Variants in STXBP5L observed in about 807,000 individuals in gnomAD.
STXBP5L encodes the protein syntaxin-binding protein 5-like.
In STXBP5L, 65 loss-of-function variants were observed where a neutral mutation model predicts 144.5. The observed-to-expected ratio is 0.45, with a 90% CI of 0.37 to 0.55. STXBP5L has a LOEUF of 0.55. Among genes scored for constraint, STXBP5L ranks in the 20% least tolerant of loss-of-function variants. STXBP5L has a pLI of 0.00. For synonymous variants in STXBP5L, 505 were observed against 469.6 expected, an observed-to-expected ratio of 1.08 and a Z score of -0.97; for missense variants, 1,298 against 1,405.5, an observed-to-expected ratio of 0.92 and a Z score of 1.22.
In STXBP5L at chr3:121,378,812, G is replaced by T; in HGVS notation, c.2273G>T (p.Gly758Val). ...GATGTTTCAAAAGTAAATCGCTGGG[G>T]TCCTGGAAGACCACCATTTCGAAAG... ...SADVSKVNRWGPGRPPFRKAQ... is the reference protein window; with the variant it reads ...SADVSKVNRWVPGRPPFRKAQ... Residue 758 changes from glycine (G) to valine (V), a missense_variant, in exon 21 of 27, where the codon GGT becomes GTT. Transcript: ENST00000471454. 2 of 1,613,692 alleles carry T rather than the reference G, an allele frequency of 1.2e-6. No homozygotes were observed. The highest frequency in any genetic ancestry group is 1.7e-6 in the Non-Finnish European group (2 of 1,179,826).
intron 3 of STXBP5L, among the ~76,000 whole-genome samples, chr3:120,990,896 A>T (rs1479491691): frequency 6.6e-6 from 1 of 152,218 alleles, no homozygotes; most frequent in Non-Finnish European, 1.5e-5. Flanking sequence ...AACCTAGGCA[A>T]TACCATTCAG....
chr3:120,928,876 T>A (rs1302136002), intron 2 of STXBP5L, among the ~76,000 whole-genome samples: 1 of 152,184 alleles, frequency 6.6e-6, no homozygotes, highest in Non-Finnish European at 1.5e-5. Flanking sequence ...AGTTTTTTGT[T>A]ATGTGGAAAT....
rs773245629 is a variant in STXBP5L, at chr3:121,254,980, T to A, written c.1527T>A (p.Ile509=). ...KVGEGKQTCE[I]VEEDPFAIQM... Reference sequence around the variant, plus strand: ...GAGAAGGAAAACAAACATGTGAAATTGTAGAGGAAGACCCATTTGCCATTC... The same window carrying A: ...GAGAAGGAAAACAAACATGTGAAATAGTAGAGGAAGACCCATTTGCCATTC... Residue 509 remains isoleucine, a synonymous_variant, in exon 16 of 27, where the codon ATT becomes ATA. Coordinates refer to ENST00000471454, the MANE Select transcript of STXBP5L (RefSeq NM_001308330.2). The A allele has an allele frequency of 4.7e-5, 76 of 1,613,562 alleles. No individual in the cohort carries two copies. In the Middle Eastern group the frequency reaches 5.0e-4, roughly 11 times the overall value.
At chr3:120,917,785 T>C (rs1709176039) in intron 2 of STXBP5L, among the ~76,000 whole-genome samples, 1 of 152,196 alleles carries the variant, frequency 6.6e-6, no homozygotes, top group South Asian at 2.1e-4. Flanking sequence ...AGAATACATA[T>C]TTCATTTGAA....
chr3:120,924,267 C>A (rs1398254815), intron 2 of STXBP5L, among the ~76,000 whole-genome samples: 2 of 152,006 alleles, frequency 1.3e-5, no homozygotes, highest in Non-Finnish European at 2.9e-5. Context: ...GAAATTAGAG[C>A]AAAAACAGTC....
chr3:121,092,898 G>A (rs1225024727), intron 5 of STXBP5L, among the ~76,000 whole-genome samples: 2 of 152,164 alleles, frequency 1.3e-5, no homozygotes, highest in Admixed American at 6.5e-5. Flanking sequence ...GTATGATATT[G>A]GCTGTGGGTT....
intron 5 of STXBP5L, among the ~76,000 whole-genome samples, chr3:121,092,258 T>C (rs1380895612): frequency 2.6e-5 from 4 of 151,906 alleles, no homozygotes; most frequent in Non-Finnish European, 5.9e-5. Context: ...ATGCGGGCTC[T>C]TTCTTGGTTC....
chr3:120,929,163 G>A (rs1709790742), intron 2 of STXBP5L, among the ~76,000 whole-genome samples: 1 of 152,142 alleles, frequency 6.6e-6, no homozygotes, highest in South Asian at 2.1e-4. Context: ...GTGAATGAGG[G>A]AGCTGCGGAA....
At chr3:120,934,380 C>T (rs2107630192) in intron 2 of STXBP5L, among the ~76,000 whole-genome samples, 1 of 152,008 alleles carries the variant, frequency 6.6e-6, no homozygotes, top group East Asian at 1.9e-4. Flanking sequence ...GGTTTCTATT[C>T]TTTTAAATTT....
At chr3:121,164,453 G>C (rs1004348922) in intron 9 of STXBP5L, among the ~76,000 whole-genome samples, 1 of 152,042 alleles carries the variant, frequency 6.6e-6, no homozygotes, top group Non-Finnish European at 1.5e-5. Flanking sequence ...GATTGGTACA[G>C]TCATTATGGA....
chr3:121,189,462 C>G (rs1373877640), intron 9 of STXBP5L, among the ~76,000 whole-genome samples: 2 of 152,210 alleles, frequency 1.3e-5, no homozygotes, highest in Admixed American at 6.5e-5. Context: ...TCCCCAGCAC[C>G]ATTTATTAAA....
chr3:121,256,653 A>T (rs1440693076), intron 16 of STXBP5L, among the ~76,000 whole-genome samples: 1 of 151,948 alleles, frequency 6.6e-6, no homozygotes, highest in African/African-American at 2.4e-5. Context: ...ATGCAATGAA[A>T]GTTTTTTATA....
intron 5 of STXBP5L, among the ~76,000 whole-genome samples, chr3:121,058,508 G>T (rs538299553): frequency 1.3e-5 from 2 of 152,282 alleles, no homozygotes; most frequent in African/African-American, 4.8e-5. Context: ...GGATGGCTGG[G>T]TCAAATGGTA....
intron 3 of STXBP5L, among the ~76,000 whole-genome samples, chr3:120,982,015 G>A (rs572555997): frequency 2.3e-4 from 35 of 152,268 alleles, no homozygotes; most frequent in Non-Finnish European, 4.6e-4. Flanking sequence ...GGGTATTTGA[G>A]CAGGCTAATT....
intron 3 of STXBP5L, among the ~76,000 whole-genome samples, chr3:121,041,009 C>T (rs900691583): frequency 4.0e-5 from 6 of 151,878 alleles, no homozygotes. Flanking sequence ...TATATCAGAT[C>T]ATTTGGTATA....
intron 18 of STXBP5L, among the ~76,000 whole-genome samples, chr3:121,269,439 GTA>G (rs145713404): frequency 4.0e-5 from 6 of 149,514 alleles, no homozygotes; most frequent in Admixed American, 6.7e-5. Context: ...ATATATATAT[GTA>G]TATATATATA....
chr3:121,278,914 T>C (rs927534887), intron 18 of STXBP5L, among the ~76,000 whole-genome samples: 3 of 151,614 alleles, frequency 2.0e-5, no homozygotes, highest in Non-Finnish European at 4.4e-5. Flanking sequence ...AGAAGTGTTG[T>C]TGTTGTTGTG....
At chr3:120,909,428 A>T (rs756793744) in intron 1 of STXBP5L, 143 bp from the exon 2 acceptor site, 10 of 697,192 alleles carry the variant, frequency 1.4e-5, no homozygotes, top group Non-Finnish European at 2.0e-5. Context: ...ACGAATCCTG[A>T]CTCTTTTTTT....
intron 6 of STXBP5L, 152 bp from the exon 7 acceptor site, chr3:121,121,489 G>A: frequency 2.1e-6 from 1 of 476,280 alleles, no homozygotes; most frequent in Non-Finnish European, 3.7e-6. Flanking sequence ...GTTAGGACTG[G>A]TAAAGTAAAT....
Sources: allele counts gnomAD v4.1 joint callset (sites outside exome capture counted in the v4.1 genomes callset), GRCh38; gene constraint gnomAD v4.1.1; transcripts MANE v1.5; gene names NCBI Gene and HGNC (gene_info 2026-07-23, HGNC 2026-07-21).